Variants in ENTREP2 observed in about 807,000 individuals in gnomAD.
The protein encoded by ENTREP2 is protein ENTREP2.
At chr15:29,526,212 T>C in the ENTREP2 span, among the ~76,000 whole-genome samples, 1 of 152,158 alleles carries the variant, frequency 6.6e-6, no homozygotes, top group Non-Finnish European at 1.5e-5. Flanking sequence ...TGAAAGGCAC[T>C]TGCAAACAAC....
the ENTREP2 span, among the ~76,000 whole-genome samples, chr15:29,226,483 G>A: frequency 2.0e-5 from 3 of 152,210 alleles, no homozygotes; most frequent in Non-Finnish European, 2.9e-5. Context: ...GAAGCCAAGA[G>A]AGGCCAAAAC....
At chr15:29,247,444 T>C in the ENTREP2 span, among the ~76,000 whole-genome samples, 3 of 152,272 alleles carry the variant, frequency 2.0e-5, no homozygotes, top group South Asian at 6.2e-4. Flanking sequence ...AAGTCCGGGA[T>C]GGGGTAAGCG....
the ENTREP2 span, among the ~76,000 whole-genome samples, chr15:29,649,057 T>TGTACACACAC: frequency 6.9e-5 from 10 of 144,882 alleles, no homozygotes; most frequent in African/African-American, 2.3e-4. Context: ...GGGACACATG[T>TGTACACACAC]ACACACACAC....
the ENTREP2 span, among the ~76,000 whole-genome samples, chr15:29,435,086 C>G: frequency 6.6e-6 from 1 of 152,184 alleles, no homozygotes. Flanking sequence ...ATTTTCCCCT[C>G]TTCCCTATCA....
At chr15:29,244,816 A>G in the ENTREP2 span, among the ~76,000 whole-genome samples, 6 of 152,182 alleles carry the variant, frequency 3.9e-5, no homozygotes, top group East Asian at 1.9e-4. Flanking sequence ...CCTGTGTCCT[A>G]TGAAGCTCAG....
At chr15:29,595,025 G>A in the ENTREP2 span, among the ~76,000 whole-genome samples, 4 of 127,466 alleles carry the variant, frequency 3.1e-5, no homozygotes, top group Non-Finnish European at 4.6e-5. Flanking sequence ...CCGAGATCAC[G>A]CCACTGCACT....
the ENTREP2 span, among the ~76,000 whole-genome samples, chr15:29,464,033 T>G: frequency 1.7e-4 from 26 of 152,036 alleles, no homozygotes; most frequent in East Asian, 4.8e-3. Context: ...GAAAGGAGAA[T>G]AGGGGTTCCA....
chr15:29,513,513 G>T, the ENTREP2 span, among the ~76,000 whole-genome samples: 1 of 152,296 alleles, frequency 6.6e-6, no homozygotes, highest in South Asian at 2.1e-4. Context: ...TCCGTGGAGG[G>T]AAGACACAGT....
the ENTREP2 span, among the ~76,000 whole-genome samples, chr15:29,486,318 G>A: frequency 1.6e-3 from 236 of 152,176 alleles, 1 homozygote; most frequent in Non-Finnish European, 2.6e-3. Context: ...AATACCATGC[G>A]GTGTACGTAT....
the ENTREP2 span, among the ~76,000 whole-genome samples, chr15:29,213,726 C>A: frequency 2.2e-4 from 34 of 152,106 alleles, no homozygotes; most frequent in Non-Finnish European, 3.4e-4. Flanking sequence ...ACTATCACAG[C>A]AAAAGAAACT....
the ENTREP2 span, among the ~76,000 whole-genome samples, chr15:29,343,101 A>G: frequency 4.6e-5 from 7 of 151,498 alleles, no homozygotes; most frequent in Non-Finnish European, 7.4e-5. Context: ...GCGAAGGTAC[A>G]TATTCTACCC....
chr15:29,320,615 G>A, the ENTREP2 span, among the ~76,000 whole-genome samples: 1 of 152,162 alleles, frequency 6.6e-6, no homozygotes, highest in African/African-American at 2.4e-5. Context: ...AATATGCTAA[G>A]GGCTGCAATG....
chr15:29,207,459 G>A, the ENTREP2 span, among the ~76,000 whole-genome samples: 1 of 151,224 alleles, frequency 6.6e-6, no homozygotes, highest in Non-Finnish European at 1.5e-5. Flanking sequence ...GGGGGGCGGG[G>A]GGGGTGGCCA....
chr15:29,235,143 T>G, the ENTREP2 span: 5 of 915,350 alleles, frequency 5.5e-6, no homozygotes, highest in African/African-American at 8.2e-5. Context: ...GACATGGCTC[T>G]GCCTGAGCGA....
the ENTREP2 span, among the ~76,000 whole-genome samples, chr15:29,164,126 G>T: frequency 6.6e-6 from 1 of 152,126 alleles, no homozygotes; most frequent in Non-Finnish European, 1.5e-5. Flanking sequence ...GAGAGAATTC[G>T]TCACTAACAA....
chr15:29,370,463 T>C, the ENTREP2 span, among the ~76,000 whole-genome samples: 1 of 151,796 alleles, frequency 6.6e-6, no homozygotes, highest in Non-Finnish European at 1.5e-5. Context: ...TGTGCCAGAG[T>C]AGCAAAGAAT....
At chr15:29,583,658 A>AT in the ENTREP2 span, among the ~76,000 whole-genome samples, 104 of 152,278 alleles carry the variant, frequency 6.8e-4, no homozygotes, top group African/African-American at 2.3e-3. Context: ...AATAATAATA[A>AT]TTTTTTTAAA....
chr15:29,411,183 G>A, the ENTREP2 span, among the ~76,000 whole-genome samples: 2 of 152,138 alleles, frequency 1.3e-5, no homozygotes, highest in Admixed American at 6.5e-5. Flanking sequence ...CCTGGTGCAC[G>A]TGGGCAGGAG....
At chr15:29,244,250 A>T in the ENTREP2 span, among the ~76,000 whole-genome samples, 1 of 152,200 alleles carries the variant, frequency 6.6e-6, no homozygotes. Flanking sequence ...ATCTTGATTA[A>T]AAAAAATCTT....
Sources: allele counts gnomAD v4.1 joint callset (sites outside exome capture counted in the v4.1 genomes callset), GRCh38; gene constraint gnomAD v4.1.1; transcripts MANE v1.5; gene names NCBI Gene and HGNC (gene_info 2026-07-23, HGNC 2026-07-21).